The following AGBL4 variants were observed in gnomAD, a reference collection of about 807,000 sequenced individuals.
AGBL4 encodes the protein cytosolic carboxypeptidase 6.
A neutral mutation model predicts 66.4 loss-of-function variants in AGBL4; 58 were observed. The observed-to-expected ratio is 0.87, with a 90% confidence interval of 0.71 to 1.09. The LOEUF (loss-of-function observed/expected upper bound fraction) is 1.09. Ranked by LOEUF, AGBL4 falls within the 50% of genes least tolerant of loss-of-function variation. The pLI is 0.00. For synonymous variants in AGBL4, 234 were observed against 222.9 expected (o/e 1.05, Z -0.44); for missense variants, 579 against 631.0 (o/e 0.92, Z 0.88).
chr1:49,672,404 C>A (rs1646495597), intron 3 of AGBL4, among the ~76,000 whole-genome samples: 1 of 151,876 alleles, frequency 6.6e-6, no homozygotes, highest in Non-Finnish European at 1.5e-5. Context: ...AAGATTAATA[C>A]CTGGGTGATG....
At chr1:49,328,960 T>A (rs1458483651) in intron 3 of AGBL4, among the ~76,000 whole-genome samples, 1 of 152,232 alleles carries the variant, frequency 6.6e-6, no homozygotes, top group East Asian at 1.9e-4. Context: ...GTTTCTGTAC[T>A]ACTAATCTGA....
intron 2 of AGBL4, among the ~76,000 whole-genome samples, chr1:49,811,675 G>A (rs980170301): frequency 4.0e-5 from 6 of 151,846 alleles, no homozygotes; most frequent in Non-Finnish European, 5.9e-5. Context: ...GATTGATCTC[G>A]AACTCCTGGG....
intron 6 of AGBL4, among the ~76,000 whole-genome samples, chr1:48,787,801 GATGCACACAGGTGCATGGGACT>G (rs1488672517): frequency 6.6e-6 from 1 of 152,236 alleles, no homozygotes; most frequent in Non-Finnish European, 1.5e-5. Context: ...ATAAGAGAAA[GATGCACACAGGTGCATGGGACT>G]CTGGATAGTG....
intron 1 of AGBL4, among the ~76,000 whole-genome samples, chr1:50,014,011 C>G (rs886647076): frequency 1.3e-5 from 2 of 152,168 alleles, no homozygotes; most frequent in African/African-American, 4.8e-5. Flanking sequence ...TAAATCTTAT[C>G]TTTGTAATTT....
chr1:49,052,797 T>C (rs1326366352), intron 4 of AGBL4, among the ~76,000 whole-genome samples: 1 of 152,160 alleles, frequency 6.6e-6, no homozygotes, highest in Non-Finnish European at 1.5e-5. Flanking sequence ...TTGATAAATA[T>C]TTTGAATGAA....
intron 3 of AGBL4, among the ~76,000 whole-genome samples, chr1:49,281,244 A>C (rs1644265949): frequency 6.6e-6 from 1 of 152,236 alleles, no homozygotes; most frequent in Non-Finnish European, 1.5e-5. Context: ...ATGATGCCAC[A>C]TATGCAAAAA....
Position 49,697,283 on chromosome 1 carries a change from C to A in AGBL4, c.282+30G>T, listed in dbSNP as rs769335688. On this transcript the variant is annotated intron_variant, in intron 3 of 13. Coordinates refer to ENST00000371839, the MANE Select transcript of AGBL4 (RefSeq NM_032785.4). ...AAAAGCATATTATTCTTACCAAAAC[C>A]ACTCTGAAGGTATCCACTATTTCCC... is the stretch of plus-strand genomic sequence containing the variant. 9.2e-6 allele frequency: 14 copies of A among 1,519,250 alleles called. 1 individual carries two copies. The South Asian group carries it at 1.6e-4, about 17-fold the overall frequency. 94.1% of individuals were successfully genotyped at this position (1,519,250 alleles called of 1,614,324 possible).
intron 3 of AGBL4, among the ~76,000 whole-genome samples, chr1:49,625,523 T>G (rs191495782): frequency 4.3e-4 from 65 of 152,318 alleles, no homozygotes; most frequent in Admixed American, 1.6e-3. Flanking sequence ...CATCTCCTTG[T>G]TGGCTTATCA....
intron 3 of AGBL4, among the ~76,000 whole-genome samples, chr1:49,398,387 G>T (rs557811330): frequency 6.6e-6 from 1 of 151,310 alleles, no homozygotes; most frequent in East Asian, 2.0e-4. Context: ...TTTCAGACCT[G>T]TGAACTCTAG....
intron 6 of AGBL4, among the ~76,000 whole-genome samples, chr1:48,813,882 G>A (rs1426436554): frequency 1.3e-5 from 2 of 151,520 alleles, no homozygotes; most frequent in Non-Finnish European, 2.9e-5. Flanking sequence ...GAGGGCTCTG[G>A]GAGAAAAGGA....
intron 3 of AGBL4, among the ~76,000 whole-genome samples, chr1:49,614,775 A>G (rs1460028621): frequency 6.6e-6 from 1 of 152,062 alleles, no homozygotes; most frequent in Non-Finnish European, 1.5e-5. Flanking sequence ...GTTACCATTC[A>G]CTTGTGCTAC....
At chr1:49,176,982 A>G (rs1646844008) in intron 4 of AGBL4, among the ~76,000 whole-genome samples, 2 of 152,186 alleles carry the variant, frequency 1.3e-5, no homozygotes, top group Non-Finnish European at 2.9e-5. Flanking sequence ...GCTGGATCCT[A>G]GGCCAGAAAA....
At chr1:49,552,237 T>C (rs1292251898) in intron 3 of AGBL4, among the ~76,000 whole-genome samples, 1 of 152,102 alleles carries the variant, frequency 6.6e-6, no homozygotes, top group African/African-American at 2.4e-5. Flanking sequence ...GTCTCCTAGC[T>C]GAGGAAAAAA....
At chr1:48,905,228 C>T (rs1244203696) in intron 5 of AGBL4, among the ~76,000 whole-genome samples, 1 of 152,180 alleles carries the variant, frequency 6.6e-6, no homozygotes, top group East Asian at 1.9e-4. Flanking sequence ...CTATGAAAGA[C>T]ACTTACAACA....
At chr1:49,296,045 A>G (rs1167050893) in intron 3 of AGBL4, among the ~76,000 whole-genome samples, 1 of 152,184 alleles carries the variant, frequency 6.6e-6, no homozygotes, top group Non-Finnish European at 1.5e-5. Flanking sequence ...CGTATTATTG[A>G]GATAAATGGT....
At chr1:49,948,041 T>C (rs1175045241) in intron 1 of AGBL4, among the ~76,000 whole-genome samples, 1 of 7,038 alleles carries the variant, frequency 1.4e-4, no homozygotes, top group Non-Finnish European at 6.4e-4. Flanking sequence ...TATATACATA[T>C]AAATATATAA....
chr1:49,348,453 C>T (rs1645684243), intron 3 of AGBL4, among the ~76,000 whole-genome samples: 1 of 151,976 alleles, frequency 6.6e-6, no homozygotes, highest in Admixed American at 6.6e-5. Context: ...AAAAGGAAGA[C>T]AGACGGAAAT....
chr1:49,301,760 G>A (rs1157401489), intron 3 of AGBL4, among the ~76,000 whole-genome samples: 1 of 152,070 alleles, frequency 6.6e-6, no homozygotes, highest in African/African-American at 2.4e-5. Context: ...CTTCCATTCT[G>A]GCAGACCAAT....
At chr1:48,739,913 A>C (rs1284114518) in intron 6 of AGBL4, among the ~76,000 whole-genome samples, 1 of 152,218 alleles carries the variant, frequency 6.6e-6, no homozygotes, top group African/African-American at 2.4e-5. Context: ...ATGAATTTCT[A>C]GCTCACTTAG....
Sources: gnomAD v4.1 joint callset for allele counts (sites outside exome capture counted in the v4.1 genomes callset) on GRCh38, gnomAD v4.1.1 for gene constraint, MANE v1.5 for transcripts, NCBI Gene and HGNC (gene_info 2026-07-23, HGNC 2026-07-21) for gene names.